Variants in SLC25A13 observed in about 807,000 individuals in gnomAD.
SLC25A13 encodes electrogenic aspartate/glutamate antiporter SLC25A13, mitochondrial.
SLC25A13 carries 70 observed loss-of-function variants against 85.5 expected under a neutral mutation model. That is an observed-to-expected ratio of 0.82 (90% CI 0.68 to 1.00). The LOEUF (loss-of-function observed/expected upper bound fraction) is 1.00, where lower values mean the gene tolerates loss of function less well. Among genes scored for constraint, SLC25A13 ranks in the 50% least tolerant of loss-of-function variants. The probability of loss-of-function intolerance (pLI) is 0.00; values close to 1 mark genes in which losing one functional copy is unlikely to be tolerated. For missense variants in SLC25A13, 765 were observed against 819.8 expected (o/e 0.93, Z 0.82); for synonymous variants, 259 against 288.7 (o/e 0.90, Z 1.04).
intron 3 of SLC25A13, among the ~76,000 whole-genome samples, chr7:96,235,341 T>C (rs1395023760): frequency 1.3e-5 from 2 of 152,162 alleles, no homozygotes; most frequent in Admixed American, 6.5e-5. Flanking sequence ...CAGATATTGA[T>C]TCACTACTGG....
Position 96,225,627 on chromosome 7 carries a change from C to T in SLC25A13, c.328+9175G>A, listed in dbSNP as rs1479181051. 2.0e-5 allele frequency among the ~76,000 whole-genome samples: 3 copies of T among 152,040 alleles called. No homozygotes were observed. The East Asian group carries it at 5.8e-4, about 29-fold the overall frequency. ...GACTCCAGTCCAGGCCTCTGTTATT[C>T]CCAGCCTCCACTGTTTGTGGCACTT... On this transcript the variant is annotated intron_variant, in intron 4 of 17. Transcript: ENST00000265631.
At chr7:96,209,406 C>G (rs754276747) in intron 4 of SLC25A13, among the ~76,000 whole-genome samples, 1 of 145,350 alleles carries the variant, frequency 6.9e-6, no homozygotes, top group African/African-American at 2.6e-5. Flanking sequence ...TTACATATAG[C>G]CTTTAACAAG....
intron 3 of SLC25A13, among the ~76,000 whole-genome samples, chr7:96,255,682 A>G (rs1797607591): frequency 6.6e-6 from 1 of 152,282 alleles, no homozygotes; most frequent in East Asian, 1.9e-4. Flanking sequence ...GCAAAACCCT[A>G]ACTCAAAATA....
chr7:96,292,118 G>T (rs967782004), intron 2 of SLC25A13, among the ~76,000 whole-genome samples: 3 of 152,160 alleles, frequency 2.0e-5, no homozygotes, highest in African/African-American at 7.2e-5. Flanking sequence ...TGCAAGGCTG[G>T]TTCAACATAC....
chr7:96,240,748 A>G (rs1349971367), intron 3 of SLC25A13, among the ~76,000 whole-genome samples: 7 of 28,554 alleles, frequency 2.5e-4, no homozygotes, highest in South Asian at 7.4e-4. Context: ...CATCTACTAG[A>G]AAAAAAAAAA....
intron 3 of SLC25A13, among the ~76,000 whole-genome samples, chr7:96,244,636 C>T (rs371422525): frequency 3.5e-4 from 54 of 152,270 alleles, no homozygotes; most frequent in African/African-American, 1.2e-3. Context: ...TTTTAGGTTA[C>T]AGGCAGCCAT....
intron 3 of SLC25A13, among the ~76,000 whole-genome samples, chr7:96,254,669 C>G (rs1256003932): frequency 1.3e-5 from 2 of 152,144 alleles, no homozygotes; most frequent in Admixed American, 1.3e-4. Context: ...CATACACACT[C>G]CCTCAAAGGA....
At chr7:96,278,611 T>C (rs933005816) in intron 2 of SLC25A13, among the ~76,000 whole-genome samples, 20 of 152,350 alleles carry the variant, frequency 1.3e-4, no homozygotes, top group Non-Finnish European at 1.8e-4. Flanking sequence ...ATAAGACTGA[T>C]GCTAGAAATA....
intron 13 of SLC25A13, among the ~76,000 whole-genome samples, chr7:96,161,958 G>C (rs928136924): frequency 1.3e-5 from 2 of 152,222 alleles, no homozygotes; most frequent in Admixed American, 6.5e-5. Flanking sequence ...TATTGCTATA[G>C]CATCACTATA....
intron 13 of SLC25A13, among the ~76,000 whole-genome samples, chr7:96,151,796 T>TTAGCC (rs1320947005): frequency 1.3e-5 from 2 of 150,974 alleles, no homozygotes; most frequent in Admixed American, 1.3e-4. Flanking sequence ...TACAAAAAAA[T>TTAGCC]TAGCCGGACA....
At chr7:96,296,324 AAAACTGAATACTCCAGC>A (rs371779572) in intron 2 of SLC25A13, among the ~76,000 whole-genome samples, 44 of 152,288 alleles carry the variant, frequency 2.9e-4, no homozygotes, top group African/African-American at 8.4e-4. Flanking sequence ...AATGGGTTGC[AAAACTGAATACTCCAGC>A]AACCGCTTTT....
chr7:96,314,389 T>C (rs1157872240), intron 1 of SLC25A13, among the ~76,000 whole-genome samples: 1 of 152,108 alleles, frequency 6.6e-6, no homozygotes, highest in Admixed American at 6.5e-5. Context: ...AATTAGAGGG[T>C]CTGTCTGGTT....
At chr7:96,235,151 T>C (rs1208543400) in intron 3 of SLC25A13, among the ~76,000 whole-genome samples, 1 of 152,240 alleles carries the variant, frequency 6.6e-6, no homozygotes, top group Non-Finnish European at 1.5e-5. Context: ...AAATACATTA[T>C]AATTTCAAAT....
At chr7:96,258,796 G>A (rs1389328384) in intron 3 of SLC25A13, among the ~76,000 whole-genome samples, 4 of 152,246 alleles carry the variant, frequency 2.6e-5, no homozygotes, top group African/African-American at 7.2e-5. Context: ...GAGGCATCAT[G>A]CTACCTGACT....
At chr7:96,169,212 A>C (rs750195101) in intron 13 of SLC25A13, among the ~76,000 whole-genome samples, 2 of 152,224 alleles carry the variant, frequency 1.3e-5, no homozygotes, top group Non-Finnish European at 2.9e-5. Context: ...CAACGTCTAC[A>C]TTCAAGGATC....
At chr7:96,309,977 C>T (rs1205567789) in intron 1 of SLC25A13, among the ~76,000 whole-genome samples, 2 of 152,132 alleles carry the variant, frequency 1.3e-5, no homozygotes, top group Non-Finnish European at 2.9e-5. Flanking sequence ...AATTAGGATA[C>T]AGACAGAGAA....
In SLC25A13 at chr7:96,165,264, G is replaced by A. The variant is rs974172754; in HGVS notation, c.1311+4781C>T. ...CAGAAGAAGAAGGGAGGGATGATGG[G>A]AAGGCAGGCTGATAGGTAGATAGGG... On this transcript the variant is annotated intron_variant, in intron 13 of 17. Transcript: ENST00000265631. 5.1e-4 allele frequency among the ~76,000 whole-genome samples: 78 copies of A among 152,316 alleles called. 1 individual carries two copies. Among genetic ancestry groups the A allele is most frequent in the African/African-American group, 1.8e-3 (76 of 41,568 alleles).
At chr7:96,303,443 G>A (rs1799627551) in intron 1 of SLC25A13, among the ~76,000 whole-genome samples, 1 of 152,030 alleles carries the variant, frequency 6.6e-6, no homozygotes, top group Non-Finnish European at 1.5e-5. Context: ...TGAACCTGAG[G>A]AAATAGTGCA....
chr7:96,128,937 T>TCTCTCTCTCTC (rs1366430593), intron 15 of SLC25A13, among the ~76,000 whole-genome samples: 2 of 137,016 alleles, frequency 1.5e-5, no homozygotes, highest in East Asian at 4.3e-4. Context: ...TCTGCCTTGC[T>TCTCTCTCTCTC]TGCTCTCTCT....
Sources: gnomAD v4.1 joint callset for allele counts (sites outside exome capture counted in the v4.1 genomes callset) on GRCh38, gnomAD v4.1.1 for gene constraint, MANE v1.5 for transcripts, NCBI Gene and HGNC (gene_info 2026-07-23, HGNC 2026-07-21) for gene names.